The following SDK1 variants were observed in gnomAD, a reference collection of about 807,000 sequenced individuals.
SDK1 encodes sidekick cell adhesion molecule 1, also known as protein sidekick-1.
SDK1 carries 157 observed loss-of-function variants against 245.5 expected under a neutral mutation model. The observed-to-expected ratio is 0.64, with a 90% confidence interval of 0.56 to 0.73. The LOEUF (loss-of-function observed/expected upper bound fraction) is 0.73. Among genes scored for constraint, SDK1 ranks in the 30% least tolerant of loss-of-function variants. SDK1 has a pLI of 0.00. For missense variants in SDK1, 3,583 were observed against 3,002.3 expected (o/e 1.19, Z -4.52); for synonymous variants, 1,647 against 1,278.5 (o/e 1.29, Z -6.15).
At chr7:3,796,336 G>C (rs1464316355) in intron 4 of SDK1, among the ~76,000 whole-genome samples, 1 of 152,222 alleles carries the variant, frequency 6.6e-6, no homozygotes. Context: ...GGTTTCTTTG[G>C]CTGTGAAAAA....
intron 4 of SDK1, among the ~76,000 whole-genome samples, chr7:3,747,137 A>G (rs973560038): frequency 1.3e-5 from 2 of 152,220 alleles, no homozygotes; most frequent in Admixed American, 6.5e-5. Context: ...ATAAATTAGG[A>G]AACTAGGAGA....
chr7:4,087,829 C>G (rs1781522477), intron 22 of SDK1, among the ~76,000 whole-genome samples: 1 of 152,170 alleles, frequency 6.6e-6, no homozygotes, highest in South Asian at 2.1e-4. Context: ...GCCTGAATTT[C>G]CATCTGGAGA....
At chr7:3,573,448 C>T (rs962426619) in intron 1 of SDK1, among the ~76,000 whole-genome samples, 41 of 150,226 alleles carry the variant, frequency 2.7e-4, no homozygotes, top group African/African-American at 9.3e-4. Context: ...TGTTCAAGGG[C>T]CCAGGGAAGA....
At chr7:4,050,202 G>C (rs1161798177) in intron 18 of SDK1, among the ~76,000 whole-genome samples, 1 of 152,160 alleles carries the variant, frequency 6.6e-6, no homozygotes, top group Admixed American at 6.5e-5. Context: ...TCAATACCTG[G>C]TAATTTCACA....
chr7:3,584,165 G>A (rs1780607065), intron 1 of SDK1, among the ~76,000 whole-genome samples: 1 of 152,130 alleles, frequency 6.6e-6, no homozygotes, highest in Non-Finnish European at 1.5e-5. Flanking sequence ...TATGAATTTG[G>A]GAATAAACAG....
At chr7:3,840,363 G>GTT (rs1172535653) in intron 5 of SDK1, among the ~76,000 whole-genome samples, 1 of 152,158 alleles carries the variant, frequency 6.6e-6, no homozygotes, top group East Asian at 1.9e-4. Context: ...ATCTAACACT[G>GTT]TTTTTTCTAA....
intron 1 of SDK1, among the ~76,000 whole-genome samples, chr7:3,561,892 C>T (rs1199062747): frequency 2.0e-5 from 3 of 152,208 alleles, no homozygotes; most frequent in Admixed American, 2.0e-4. Flanking sequence ...ATGAATATTT[C>T]ACTTTCTTTT....
At chr7:4,166,134 G>A (rs946857671) in intron 32 of SDK1, among the ~76,000 whole-genome samples, 2 of 152,226 alleles carry the variant, frequency 1.3e-5, no homozygotes, top group Middle Eastern at 3.2e-3. Context: ...AAAATCCCAA[G>A]CAATTGATCA....
At chr7:3,809,872 G>C (rs1327908503) in intron 4 of SDK1, among the ~76,000 whole-genome samples, 1 of 152,278 alleles carries the variant, frequency 6.6e-6, no homozygotes, top group Admixed American at 6.5e-5. Context: ...TGACTTGTCA[G>C]GAATCGAGAA....
At chr7:3,975,806 T>C (rs1378728034) in intron 13 of SDK1, among the ~76,000 whole-genome samples, 1 of 152,246 alleles carries the variant, frequency 6.6e-6, no homozygotes, top group Non-Finnish European at 1.5e-5. Flanking sequence ...GCAGAGGTAA[T>C]TGTGGTTAGT....
At chr7:4,094,424 C>T (rs554701065) in intron 22 of SDK1, among the ~76,000 whole-genome samples, 1 of 152,276 alleles carries the variant, frequency 6.6e-6, no homozygotes, top group East Asian at 1.9e-4. Flanking sequence ...TGCCCTTCCA[C>T]AGAACTTGCT....
rs1411804811 is a variant in SDK1 at position 3,592,566 on chromosome 7, T to A, written c.299-26514T>A. Among the ~76,000 whole-genome samples, 3 of 152,194 alleles carry A rather than the reference T, an allele frequency of 2.0e-5. No homozygotes were observed. The East Asian group carries it at 5.8e-4, about 29-fold the overall frequency. The stretch of plus-strand genomic sequence containing the variant: ...ATGAATTCTGCCCAGTGAAGGTTAT[T>A]TATTTATTTTTCCCTGAGCTGGATT... On this transcript the variant is annotated intron_variant, in intron 1 of 44. Transcript: ENST00000404826.
intron 1 of SDK1, among the ~76,000 whole-genome samples, chr7:3,307,757 T>C (rs1779454187): frequency 6.6e-6 from 1 of 152,186 alleles, no homozygotes; most frequent in Non-Finnish European, 1.5e-5. Flanking sequence ...CGTTTATACT[T>C]CATTCTGTAA....
chr7:4,115,981 G>T (rs1783679686), intron 25 of SDK1, among the ~76,000 whole-genome samples: 1 of 152,156 alleles, frequency 6.6e-6, no homozygotes, highest in African/African-American at 2.4e-5. Flanking sequence ...ATGACGTGGG[G>T]GCACAAGGCC....
intron 1 of SDK1, among the ~76,000 whole-genome samples, chr7:3,424,630 T>A (rs898965019): frequency 2.6e-5 from 4 of 152,094 alleles, no homozygotes; most frequent in African/African-American, 9.7e-5. Flanking sequence ...AGGCACAGTG[T>A]TCACACCGGT....
intron 4 of SDK1, among the ~76,000 whole-genome samples, chr7:3,790,791 T>C (rs2115022984): frequency 6.6e-6 from 1 of 152,222 alleles, no homozygotes; most frequent in South Asian, 2.1e-4. Flanking sequence ...AGAGCGAAAC[T>C]GTCGCCAAAA....
chr7:4,245,836 A>G, intron 44 of SDK1, 31 bp downstream of exon 44: 1 of 1,612,566 alleles, frequency 6.2e-7, no homozygotes, highest in Non-Finnish European at 8.5e-7. Flanking sequence ...CCGGGCAGTG[A>G]CCATCAGCCC....
At position 4,232,247 on chromosome 7, in the gene SDK1, C is replaced by G. The variant is rs548289680; in HGVS notation, c.5828-1008C>G. Among the ~76,000 whole-genome samples, 6 of 151,910 alleles carry G rather than the reference C, an allele frequency of 3.9e-5. No individual in the cohort carries two copies. In the East Asian group the frequency reaches 1.2e-3, roughly 29 times the overall value. ...GGGTCAGAGAGGTTCCGTTCTTTGT[C>G]TAAAGCCACACAGCTAATTGAATTG... On this transcript the variant is annotated intron_variant, in intron 40 of 44. Coordinates refer to ENST00000404826, the MANE Select transcript of SDK1 (RefSeq NM_152744.4).
chr7:3,521,278 T>C (rs1042983918), intron 1 of SDK1, among the ~76,000 whole-genome samples: 6 of 152,172 alleles, frequency 3.9e-5, no homozygotes, highest in Non-Finnish European at 7.4e-5. Flanking sequence ...TGTGATTAGA[T>C]TGGGGCCAGC....
Sources: allele counts gnomAD v4.1 joint callset (sites outside exome capture counted in the v4.1 genomes callset), GRCh38; gene constraint gnomAD v4.1.1; transcripts MANE v1.5; gene names NCBI Gene and HGNC (gene_info 2026-07-23, HGNC 2026-07-21).